The following ZMAT4 variants were observed in gnomAD, a reference collection of about 807,000 sequenced individuals.
The protein encoded by ZMAT4 is zinc finger matrin-type 4.
In ZMAT4, 17 loss-of-function variants were observed where a neutral mutation model predicts 28.7. The observed-to-expected ratio is 0.59, with a 90% CI of 0.41 to 0.89. The LOEUF is 0.89. ZMAT4 is among the 40% of genes least tolerant of loss of function. The pLI, the probability that ZMAT4 is intolerant of heterozygous loss-of-function variation, is 0.00. For missense variants in ZMAT4, 240 were observed against 283.8 expected (o/e 0.85, Z 1.11); for synonymous variants, 117 against 109.2 (o/e 1.07, Z -0.44).
chr8:40,581,714 G>A (rs1804469355), intron 5 of ZMAT4, among the ~76,000 whole-genome samples: 1 of 152,106 alleles, frequency 6.6e-6, no homozygotes, highest in Admixed American at 6.6e-5. Context: ...GTTTCTTCTA[G>A]GATTATTTTA....
intron 5 of ZMAT4, among the ~76,000 whole-genome samples, chr8:40,632,172 A>G (rs2599644): frequency 0.56 from 85,598 of 152,034 alleles, 25,284 homozygotes; most frequent in East Asian, 0.69. Flanking sequence ...TGGTGCCTGA[A>G]GTCTGGAATG....
At chr8:40,678,797 A>G (rs1001307958) in intron 4 of ZMAT4, among the ~76,000 whole-genome samples, 1 of 152,184 alleles carries the variant, frequency 6.6e-6, no homozygotes, top group Non-Finnish European at 1.5e-5. Context: ...AAGTTTTTTC[A>G]GATTCATTTA....
chr8:40,721,255 T>G (rs1193284298), intron 3 of ZMAT4, among the ~76,000 whole-genome samples: 1 of 144,460 alleles, frequency 6.9e-6, no homozygotes, highest in African/African-American at 2.6e-5. Context: ...TGCGATAGTT[T>G]ACTGAGAATG....
chr8:40,895,395 G>A (rs1014955211), intron 1 of ZMAT4, among the ~76,000 whole-genome samples: 1 of 152,260 alleles, frequency 6.6e-6, no homozygotes, highest in African/African-American at 2.4e-5. Flanking sequence ...GAGGCGCTGG[G>A]TCCTGGGTTT....
chr8:40,745,958 T>C (rs1316336566), intron 3 of ZMAT4, among the ~76,000 whole-genome samples: 1 of 152,198 alleles, frequency 6.6e-6, no homozygotes, highest in Non-Finnish European at 1.5e-5. Flanking sequence ...TTAGCTTCCC[T>C]GACACAACAC....
At chr8:40,855,185 T>C (rs1205690165) in intron 1 of ZMAT4, among the ~76,000 whole-genome samples, 3 of 152,168 alleles carry the variant, frequency 2.0e-5, no homozygotes, top group Admixed American at 1.3e-4. Flanking sequence ...AGGCTCTTTG[T>C]AAACGGTGTG....
At chr8:40,628,183 G>A (rs1015138313) in intron 5 of ZMAT4, among the ~76,000 whole-genome samples, 3 of 152,140 alleles carry the variant, frequency 2.0e-5, no homozygotes, top group Admixed American at 6.6e-5. Context: ...AAACTCAAGA[G>A]GGCTGGAGAC....
intron 2 of ZMAT4, among the ~76,000 whole-genome samples, chr8:40,801,365 T>TATATATATAC (rs1554559774): frequency 6.9e-6 from 1 of 144,374 alleles, no homozygotes; most frequent in Non-Finnish European, 1.5e-5. Context: ...TATATATATA[T>TATATATATAC]ATATATACAT....
At chr8:40,566,674 A>G (rs1585693327) in intron 6 of ZMAT4, among the ~76,000 whole-genome samples, 1 of 152,134 alleles carries the variant, frequency 6.6e-6, no homozygotes, top group Non-Finnish European at 1.5e-5. Flanking sequence ...CCCCCTACTC[A>G]GTTGCCTTGA....
intron 2 of ZMAT4, among the ~76,000 whole-genome samples, chr8:40,775,127 A>G (rs770106969): frequency 6.6e-5 from 10 of 152,222 alleles, no homozygotes; most frequent in South Asian, 2.1e-4. Flanking sequence ...GGTGCTCAAT[A>G]AAGATTTGTC....
intron 4 of ZMAT4, among the ~76,000 whole-genome samples, chr8:40,688,327 G>A (rs1477452930): frequency 6.6e-6 from 1 of 152,058 alleles, no homozygotes; most frequent in Admixed American, 6.6e-5. Context: ...GTATTGGCAT[G>A]CACCTGTAAT....
chr8:40,552,298 A>C (rs1045712130), intron 6 of ZMAT4, among the ~76,000 whole-genome samples: 22 of 152,130 alleles, frequency 1.4e-4, no homozygotes, highest in African/African-American at 5.1e-4. Flanking sequence ...ATTGCTTTTC[A>C]CAGGGCTTAG....
intron 3 of ZMAT4, among the ~76,000 whole-genome samples, chr8:40,726,408 G>A (rs1260705575): frequency 6.6e-6 from 1 of 152,206 alleles, no homozygotes; most frequent in African/African-American, 2.4e-5. Flanking sequence ...TGTCTATGAT[G>A]TAAATCTCTT....
intron 5 of ZMAT4, among the ~76,000 whole-genome samples, chr8:40,665,034 G>A (rs2118867909): frequency 6.6e-6 from 1 of 152,248 alleles, no homozygotes; most frequent in East Asian, 1.9e-4. Flanking sequence ...GCTCACAGCA[G>A]AAATAATTCA....
chr8:40,809,821 A>T (rs1815247286), intron 2 of ZMAT4, among the ~76,000 whole-genome samples: 1 of 152,156 alleles, frequency 6.6e-6, no homozygotes, highest in African/African-American at 2.4e-5. Context: ...AGGTGGGCAG[A>T]TCATTTGAGG....
rs554974364 is a variant in ZMAT4 at position 40,689,568 on chromosome 8, C to T, written c.349+7677G>A. Reference sequence around the variant, plus strand: ...CAAAGAATGGGAATATAGTTTGGGACATTTACTACCCATTATTTCAGGTGT... The same window carrying T: ...CAAAGAATGGGAATATAGTTTGGGATATTTACTACCCATTATTTCAGGTGT... On this transcript the variant is annotated intron_variant, in intron 4 of 6. Coordinates refer to ENST00000297737, the MANE Select transcript of ZMAT4 (RefSeq NM_024645.3). Among the ~76,000 whole-genome samples, 19 of 152,214 alleles carry T rather than the reference C, an allele frequency of 1.2e-4. 1 individual carries two copies. The South Asian group carries it at 3.1e-3, about 25-fold the overall frequency.
At chr8:40,704,627 C>T (rs929826833) in intron 3 of ZMAT4, among the ~76,000 whole-genome samples, 3 of 152,174 alleles carry the variant, frequency 2.0e-5, no homozygotes, top group East Asian at 1.9e-4. Flanking sequence ...TAGAAGTTAT[C>T]CTCCCATCAT....
intron 1 of ZMAT4, among the ~76,000 whole-genome samples, chr8:40,853,048 C>A (rs1817168120): frequency 6.6e-6 from 1 of 152,122 alleles, no homozygotes. Flanking sequence ...GTCTGAATAG[C>A]CATGGTTTGT....
intron 5 of ZMAT4, among the ~76,000 whole-genome samples, chr8:40,592,292 TC>T (rs1804921205): frequency 6.6e-6 from 1 of 152,144 alleles, no homozygotes; most frequent in African/African-American, 2.4e-5. Flanking sequence ...AAACAGCTCT[TC>T]CCTCTGAGTT....
Sources: gnomAD v4.1 joint callset for allele counts (sites outside exome capture counted in the v4.1 genomes callset) on GRCh38, gnomAD v4.1.1 for gene constraint, MANE v1.5 for transcripts, NCBI Gene and HGNC (gene_info 2026-07-23, HGNC 2026-07-21) for gene names.